Variants in SNX18 observed in about 807,000 individuals in gnomAD.
SNX18 encodes sorting nexin-18.
Under a neutral mutation model 48.7 loss-of-function variants are expected in SNX18, and 35 were observed. The observed-to-expected ratio is 0.72, with a 90% confidence interval of 0.55 to 0.95. SNX18 has a LOEUF of 0.95. Ranked by LOEUF, SNX18 falls within the 40% of genes least tolerant of loss-of-function variation. The probability of loss-of-function intolerance (pLI) is 0.00; values close to 1 mark genes in which losing one functional copy is unlikely to be tolerated. For synonymous variants in SNX18, 492 were observed against 384.7 expected, an observed-to-expected ratio of 1.28 and a Z score of -3.26; for missense variants, 824 against 871.0, an observed-to-expected ratio of 0.95 and a Z score of 0.68.
the SNX18 span, among the ~76,000 whole-genome samples, chr5:54,619,787 G>A: frequency 2.0e-5 from 3 of 152,172 alleles, no homozygotes; most frequent in African/African-American, 7.2e-5. Context: ...TATTTAAAAG[G>A]GAAAGAGCAA....
At chr5:54,623,707 A>G in the SNX18 span, among the ~76,000 whole-genome samples, 1 of 152,182 alleles carries the variant, frequency 6.6e-6, no homozygotes, top group Non-Finnish European at 1.5e-5. Context: ...GACTTCCCCA[A>G]AATGCATGGG....
the SNX18 span, among the ~76,000 whole-genome samples, chr5:54,561,416 C>A: frequency 2.5e-4 from 38 of 152,014 alleles, no homozygotes; most frequent in Non-Finnish European, 2.8e-4. Context: ...TGGCTTACTG[C>A]AGCCTCAACC....
chr5:54,537,393 C>T (rs570356959), intron 1 of SNX18, among the ~76,000 whole-genome samples: 2 of 152,152 alleles, frequency 1.3e-5, no homozygotes, highest in South Asian at 2.1e-4. Context: ...ATAATAAAAT[C>T]GTAATATGCT....
chr5:54,534,332 A>G (rs1009582594), intron 1 of SNX18, among the ~76,000 whole-genome samples: 1 of 151,530 alleles, frequency 6.6e-6, no homozygotes, highest in South Asian at 2.1e-4. Flanking sequence ...GAGACAAAAC[A>G]TACTGAGAAT....
At chr5:54,615,027 G>A in the SNX18 span, among the ~76,000 whole-genome samples, 3 of 152,102 alleles carry the variant, frequency 2.0e-5, no homozygotes, top group African/African-American at 7.2e-5. Context: ...ATGACTCTAG[G>A]AAACATACTC....
At chr5:54,553,191 G>A in the SNX18 span, among the ~76,000 whole-genome samples, 2 of 152,122 alleles carry the variant, frequency 1.3e-5, no homozygotes, top group Non-Finnish European at 2.9e-5. Context: ...TGAGATGTGG[G>A]GCTCCCAGGG....
At chr5:54,584,402 G>A in the SNX18 span, among the ~76,000 whole-genome samples, 3 of 151,980 alleles carry the variant, frequency 2.0e-5, no homozygotes, top group African/African-American at 4.8e-5. Flanking sequence ...TTTACTTTGG[G>A]TTAAAAGCAA....
At chr5:54,577,624 T>C in the SNX18 span, among the ~76,000 whole-genome samples, 1 of 152,120 alleles carries the variant, frequency 6.6e-6, no homozygotes, top group Non-Finnish European at 1.5e-5. Context: ...TCCAGCCACA[T>C]GAAGATGAAC....
the SNX18 span, among the ~76,000 whole-genome samples, chr5:54,635,105 GT>G: frequency 6.6e-6 from 1 of 151,494 alleles, no homozygotes; most frequent in African/African-American, 2.4e-5. Flanking sequence ...TTCAAAATGT[GT>G]TTATGTCTCC....
At chr5:54,551,868 T>C in the SNX18 span, among the ~76,000 whole-genome samples, 1 of 152,224 alleles carries the variant, frequency 6.6e-6, no homozygotes, top group East Asian at 1.9e-4. Flanking sequence ...AGAACTGTGG[T>C]TTTAGAAACA....
chr5:54,566,784 G>A, the SNX18 span, among the ~76,000 whole-genome samples: 2 of 152,186 alleles, frequency 1.3e-5, no homozygotes, highest in African/African-American at 4.8e-5. Flanking sequence ...CATTACCCCA[G>A]GTCCCCCAGC....
At chr5:54,645,413 G>C in the SNX18 span, 3 of 152,214 alleles carry the variant, frequency 2.0e-5, no homozygotes, top group African/African-American at 7.2e-5. Flanking sequence ...AGGTGTTCCG[G>C]GAAAACAGAT....
chr5:54,584,197 TGTGCC>T, the SNX18 span, among the ~76,000 whole-genome samples: 10,266 of 152,090 alleles, frequency 0.067, 1,162 homozygotes, highest in African/African-American at 0.23. Context: ...ACTACAGGCA[TGTGCC>T]AGCACATCTG....
chr5:54,639,124 CCTAA>C, the SNX18 span, among the ~76,000 whole-genome samples: 10 of 152,284 alleles, frequency 6.6e-5, no homozygotes, highest in African/African-American at 2.4e-4. Flanking sequence ...CCATGAGTTT[CCTAA>C]CTTAGTCCTT....
chr5:54,583,285 C>A, the SNX18 span, among the ~76,000 whole-genome samples: 4 of 152,270 alleles, frequency 2.6e-5, no homozygotes, highest in African/African-American at 4.8e-5. Flanking sequence ...CCTTGCTAGA[C>A]TTCTTATTTC....
the SNX18 span, among the ~76,000 whole-genome samples, chr5:54,552,373 C>T: frequency 2.0e-5 from 3 of 152,330 alleles, no homozygotes; most frequent in South Asian, 6.2e-4. Context: ...GAATTCACCA[C>T]CATCAGAGCC....
At chr5:54,519,629 G>A (rs1408630048) in intron 1 of SNX18, 56 bp downstream of exon 1, 1 of 1,614,060 alleles carries the variant, frequency 6.2e-7, no homozygotes, top group African/African-American at 1.3e-5. Flanking sequence ...GGCTGAAAGG[G>A]GCGACTTTGA....
rs776606069 is a variant in SNX18, at chr5:54,519,181, C to T, written c.1229C>T (p.Thr410Ile). ...ATGGTGGGCGCCAACTTCTTCCTGA[C>T]CCTTAGCACGCCCCCCGCCGCTGCC... ...DEMVGANFFLTLSTPPAAALD... is the reference protein window; with the variant it reads ...DEMVGANFFLILSTPPAAALD... Residue 410 changes from threonine (T) to isoleucine (I), a missense_variant, in exon 1 of 2, where the codon ACC (threonine) becomes ATC (isoleucine). Coordinates refer to ENST00000381410, the MANE Select transcript of SNX18 (RefSeq NM_001102575.2). 6 of 1,613,746 alleles carry T rather than the reference C, an allele frequency of 3.7e-6. No homozygotes were observed. Among genetic ancestry groups the T allele is most frequent in the Non-Finnish European group, 5.1e-6 (6 of 1,179,816 alleles).
At chr5:54,574,775 G>A in the SNX18 span, among the ~76,000 whole-genome samples, 1 of 152,032 alleles carries the variant, frequency 6.6e-6, no homozygotes, top group Non-Finnish European at 1.5e-5. Flanking sequence ...GGGTAAGGGT[G>A]TACATGTATG....
Sources: allele counts gnomAD v4.1 joint callset (sites outside exome capture counted in the v4.1 genomes callset), GRCh38; gene constraint gnomAD v4.1.1; transcripts MANE v1.5; gene names NCBI Gene and HGNC (gene_info 2026-07-23, HGNC 2026-07-21).